Variants in SYDE2 observed in about 807,000 individuals in gnomAD.
SYDE2 encodes synapse defective Rho GTPase homolog 2.
SYDE2 carries 76 observed loss-of-function variants against 91.5 expected under a neutral mutation model. The observed-to-expected ratio is 0.83, with a 90% CI of 0.69 to 1.01. The LOEUF (loss-of-function observed/expected upper bound fraction) is 1.01. Among genes scored for constraint, SYDE2 ranks in the 50% least tolerant of loss-of-function variants. The pLI is 0.00. For missense variants in SYDE2, 1,364 were observed against 1,367.7 expected (o/e 1.00, Z 0.04); for synonymous variants, 513 against 506.4 (o/e 1.01, Z -0.18).
Position 85,182,248 on chromosome 1 carries a change from C to T in SYDE2, c.2394G>A (p.Trp798Ter). ...TATCTAGTCCATGAAGAGAATTCTC[C>T]CACTGTTCCATAAGAGTCACTTTCA... Reference protein sequence around the residue: ...IYVKVTLMEQWENSLHGLDIN... With the variant: ...IYVKVTLMEQ Residue 798 changes from tryptophan to a stop codon, truncating the protein, a stop_gained, in exon 3 of 7, where the codon TGG (tryptophan) becomes TGA (stop). Transcript: ENST00000341460. LOFTEE classifies it high-confidence loss of function. The T allele has an allele frequency of 6.2e-7, 1 of 1,610,628 alleles. No homozygotes were observed. The highest frequency in any genetic ancestry group is 8.5e-7 in the Non-Finnish European group (1 of 1,178,940).
Position 85,183,072 on chromosome 1 carries a change from G to T in SYDE2, c.1570C>A (p.Arg524=), listed in dbSNP as rs374408782. ...TTCATGGAAAGTTTCCTCACAGTTC[G>T]TGGAGATTTTATTTTATCTGGCAAT... ...WSLPDKIKSP[R]TVRKLSMKMK... Residue 524 remains arginine, a synonymous_variant, in exon 3 of 7, where the codon CGA becomes AGA. Coordinates refer to ENST00000341460, the MANE Select transcript of SYDE2 (RefSeq NM_032184.2). 3 of 1,613,392 alleles carry T rather than the reference G, an allele frequency of 1.9e-6. No individual in the cohort carries two copies. Among genetic ancestry groups the T allele is most frequent in the Non-Finnish European group, 2.5e-6 (3 of 1,179,776 alleles).
chr1:85,154,890 G>C (rs910883673), downstream of SYDE2, among the ~76,000 whole-genome samples: 7 of 151,328 alleles, frequency 4.6e-5, no homozygotes, highest in Admixed American at 6.6e-5. Flanking sequence ...AAAAATAAAG[G>C]CCTTGTCAAA....
downstream of SYDE2, chr1:85,152,581 A>G (rs1366459985): frequency 2.0e-5 from 3 of 152,210 alleles, no homozygotes; most frequent in Non-Finnish European, 4.4e-5. Flanking sequence ...TTTTCCTAAC[A>G]AAAAGACAAC....
rs567340089 is a variant in SYDE2 at position 85,181,191 on chromosome 1, G to A, written c.2544+907C>T. On this transcript the variant is annotated intron_variant, in intron 3 of 6. Transcript: ENST00000341460. ...TTTTGCAACGGAGTCTCACTCTATCGCCCAGGCTAGAATGCAGTGGCACAA... is the reference window on the plus strand; with the variant it reads ...TTTTGCAACGGAGTCTCACTCTATCACCCAGGCTAGAATGCAGTGGCACAA... The A allele has an allele frequency of 3.5e-3, 434 of 123,914 alleles. 2 individuals carry two copies. The highest frequency in any genetic ancestry group is 0.013 in the African/African-American group (420 of 31,538). The allele number at this position is 123,914 out of a possible 1,614,324, so 7.7% of individuals were successfully genotyped here.
Position 85,158,939 on chromosome 1 carries a change from T to C in SYDE2, c.3396A>G (p.Pro1132=). Residue 1132 remains proline (P), a synonymous_variant, in exon 7 of 7, where the codon CCA becomes CCG. Transcript: ENST00000341460. ...GAATTGGCTGTTCAATCATTACTTC[T>C]GGCCCATCCATTTTGCTATAATTTT... ...IGENYSKMDG[P]EVMIEQPIPM... 1 of 780,744 alleles carries C rather than the reference T, an allele frequency of 1.3e-6. No homozygotes were observed. 48.4% of individuals were successfully genotyped at this position (780,744 alleles called of 1,614,324 possible).
chr1:85,155,894 G>A (rs1656870963), downstream of SYDE2, among the ~76,000 whole-genome samples: 1 of 152,102 alleles, frequency 6.6e-6, no homozygotes, highest in Non-Finnish European at 1.5e-5. Context: ...AGGAGGTAAA[G>A]GACAGTAATG....
intron 4 of SYDE2, among the ~76,000 whole-genome samples, chr1:85,174,359 A>G (rs1657612362): frequency 6.6e-6 from 1 of 152,168 alleles, no homozygotes; most frequent in Admixed American, 6.5e-5. Flanking sequence ...TCTGTCCAAA[A>G]CCACCAGAAT....
chr1:85,187,728 A>G (rs909668113), intron 2 of SYDE2, among the ~76,000 whole-genome samples: 1 of 151,962 alleles, frequency 6.6e-6, no homozygotes, highest in Non-Finnish European at 1.5e-5. Flanking sequence ...GACATGGATG[A>G]AATTGGAAAT....
chr1:85,152,992 C>T (rs1229518256), downstream of SYDE2: 1 of 152,160 alleles, frequency 6.6e-6, no homozygotes, highest in Non-Finnish European at 1.5e-5. Context: ...CTGCTTCTTC[C>T]CCTTATTCTC....
At chr1:85,196,786 TAAA>T (rs961990008) in intron 1 of SYDE2, among the ~76,000 whole-genome samples, 1 of 152,060 alleles carries the variant, frequency 6.6e-6, no homozygotes, top group African/African-American at 2.4e-5. Flanking sequence ...TTCATAAAGA[TAAA>T]AAATCAGAGT....
downstream of SYDE2, among the ~76,000 whole-genome samples, chr1:85,156,315 G>A (rs186140776): frequency 1.7e-4 from 26 of 152,070 alleles, no homozygotes; most frequent in Non-Finnish European, 3.2e-4. Flanking sequence ...GGGAGGCTGA[G>A]GCGGGTGGAT....
chr1:85,200,666 C>G lies in SYDE2; in HGVS notation c.331G>C (p.Gly111Arg). Residue 111 changes from glycine to arginine, a missense_variant, in exon 1 of 7, where the codon GGC becomes CGC. Transcript: ENST00000341460. ...RWPSDSWIRC[G>R]AHRDWDEPPP... ...GGCTCGTCCCAGTCCCGGTGCGCGC[C>G]GCACCTGATCCAGCTGTCGCTCGGC... 4 of 1,538,350 alleles carry G rather than the reference C, an allele frequency of 2.6e-6. No individual in the cohort carries two copies. The highest frequency in any genetic ancestry group is 3.5e-6 in the Non-Finnish European group (4 of 1,147,486).
chr1:85,197,922 G>A (rs1385233818), intron 1 of SYDE2, among the ~76,000 whole-genome samples: 2 of 152,142 alleles, frequency 1.3e-5, no homozygotes, highest in Admixed American at 1.3e-4. Context: ...CCAAAGTGCT[G>A]GGATTACAGG....
intron 1 of SYDE2, among the ~76,000 whole-genome samples, chr1:85,195,438 C>G (rs970815072): frequency 4.6e-5 from 7 of 151,922 alleles, no homozygotes; most frequent in African/African-American, 1.2e-4. Context: ...TCTTAAGTTT[C>G]TGTGTGTGTA....
At position 85,200,675 on chromosome 1, in the gene SYDE2, T is replaced by C; in HGVS notation, c.322A>G (p.Ile108Val). The change falls in exon 1 of 7, where the codon ATC becomes GTC. Residue 108 changes from isoleucine to valine, a missense_variant. By Grantham distance (29) the Ile-to-Val change is conservative. Coordinates refer to ENST00000341460, the MANE Select transcript of SYDE2 (RefSeq NM_032184.2). ...PFQRWPSDSW[I>V]RCGAHRDWDE... ...CAGTCCCGGTGCGCGCCGCACCTGA[T>C]CCAGCTGTCGCTCGGCCACCGCTGG... 1 of 1,537,622 alleles carries C rather than the reference T, an allele frequency of 6.5e-7. No homozygotes were observed. Among genetic ancestry groups the C allele is most frequent in the Non-Finnish European group, 8.7e-7 (1 of 1,147,180 alleles).
intron 2 of SYDE2, among the ~76,000 whole-genome samples, chr1:85,186,501 T>C (rs942480987): frequency 2.0e-5 from 3 of 152,190 alleles, no homozygotes; most frequent in East Asian, 3.9e-4. Context: ...CTTCATGGAA[T>C]TGGAAAAAAC....
Position 85,200,286 on chromosome 1 carries a change from C to A in SYDE2, c.711G>T (p.Leu237=), listed in dbSNP as rs200817794. The A allele has an allele frequency of 1.6e-4, 260 of 1,614,030 alleles. No individual in the cohort carries two copies. The highest frequency in any genetic ancestry group is 2.1e-4 in the Non-Finnish European group (248 of 1,179,902). The stretch of plus-strand genomic sequence containing the variant: ...TAATTCTTTGGTCTGGAGGCACCGA[C>A]AGGACACGGTTTTCACGCACTTTCA... ...GALKVRENRV[L]SVPPDQRITL... Residue 237 remains leucine (L), a synonymous_variant, in exon 1 of 7, where the codon CTG becomes CTT. Coordinates refer to ENST00000341460, the MANE Select transcript of SYDE2 (RefSeq NM_032184.2).
chr1:85,181,306 C>T (rs1657911946), intron 3 of SYDE2: 1 of 152,124 alleles, frequency 6.6e-6, no homozygotes. Flanking sequence ...CATGCGCCAC[C>T]ATGTCGGGCT....
chr1:85,194,740 A>G, intron 1 of SYDE2: 1 of 832,646 alleles, frequency 1.2e-6, no homozygotes, highest in Non-Finnish European at 1.4e-6. Context: ...ACCCAAGTCA[A>G]TTCTGTTTTC....
Sources: allele counts gnomAD v4.1 joint callset (sites outside exome capture counted in the v4.1 genomes callset), GRCh38; gene constraint gnomAD v4.1.1; transcripts MANE v1.5; gene names NCBI Gene and HGNC (gene_info 2026-07-23, HGNC 2026-07-21).